Variants in BEND3 observed in about 807,000 individuals in gnomAD.
BEND3 encodes the protein BEN domain containing 3.
BEND3 carries 13 observed loss-of-function variants against 60.1 expected under a neutral mutation model. The ratio of observed to expected loss-of-function variants is 0.22; its 90% CI spans 0.14 to 0.34. BEND3 has a LOEUF of 0.34. Among genes scored for constraint, BEND3 ranks in the 10% least tolerant of loss-of-function variants. The probability of loss-of-function intolerance (pLI) is 1.00; values close to 1 mark genes in which losing one functional copy is unlikely to be tolerated. For synonymous variants in BEND3, 497 were observed against 491.5 expected (o/e 1.01, Z -0.15); for missense variants, 896 against 1,138.1 (o/e 0.79, Z 3.06).
rs1562294993 is a variant in BEND3 at position 107,066,463 on chromosome 6, G to T, written c.*2241C>A. The stretch of plus-strand genomic sequence containing the variant: ...GTATTAAGAAAATCACTGAAATACG[G>T]TTTCCAAAAATTGAACATGCTCTGG... On this transcript the variant is annotated 3_prime_UTR_variant, in exon 4 of 4. Coordinates refer to ENST00000369042, the MANE Select transcript of BEND3 (RefSeq NM_001367314.1). 6.6e-6 allele frequency: 1 copy of T among 152,604 alleles called. No individual in the cohort carries two copies. Among genetic ancestry groups the T allele is most frequent in the Non-Finnish European group, 1.5e-5 (1 of 68,038 alleles). 9.5% of individuals were successfully genotyped at this position (152,604 alleles called of 1,614,324 possible).
At chr6:107,096,178 A>T (rs1408684063) in intron 3 of BEND3, among the ~76,000 whole-genome samples, 1 of 152,192 alleles carries the variant, frequency 6.6e-6, no homozygotes, top group African/African-American at 2.4e-5. Context: ...TTTTTCTGTA[A>T]ACCTAAAACT....
At chr6:107,088,833 GTATC>G (rs1554234724) in intron 3 of BEND3, among the ~76,000 whole-genome samples, 1 of 152,090 alleles carries the variant, frequency 6.6e-6, no homozygotes, top group Non-Finnish European at 1.5e-5. Flanking sequence ...TAAAAATAAA[GTATC>G]TAAGAATTAA....
intron 3 of BEND3, among the ~76,000 whole-genome samples, chr6:107,096,244 T>C (rs1775582653): frequency 6.6e-6 from 1 of 152,204 alleles, no homozygotes. Context: ...GATACATAGA[T>C]GATGAACCTT....
At chr6:107,107,394 T>A (rs1481491996) in intron 1 of BEND3, among the ~76,000 whole-genome samples, 1 of 151,788 alleles carries the variant, frequency 6.6e-6, no homozygotes, top group East Asian at 1.9e-4. Context: ...GTCTGACACA[T>A]AGCACTCAAA....
chr6:107,069,075 G>A lies in BEND3; in HGVS notation c.2116C>T (p.Leu706=), dbSNP rs1006511077. ...GGGAAGTCAGGCGAGGGGACCACCA[G>A]CTCGTCCAAGGGGATCTTGCAAAAG... ...KDFCKIPLDE[L]VVPSPDFPVP... The change falls in exon 4 of 4, where the codon CTG becomes TTG. Residue 706 remains leucine, a synonymous_variant. Transcript: ENST00000369042. 6.2e-7 allele frequency: 1 copy of A among 1,613,222 alleles called. No homozygotes were observed. Among genetic ancestry groups the A allele is most frequent in the African/African-American group, 1.3e-5 (1 of 74,988 alleles).
Position 107,068,569 on chromosome 6 carries a change from T to C in BEND3, c.*135A>G, listed in dbSNP as rs1774880354. ...GGGTGGGTGTTTACGTGTGCAAATG[T>C]AGTAAGCCACTCCCCACGGACATAA... is the stretch of plus-strand genomic sequence containing the variant. On this transcript the variant is annotated 3_prime_UTR_variant, in exon 4 of 4. Transcript: ENST00000369042. The surrounding 1 kb of genome is among the most constrained non-coding windows in gnomAD (Gnocchi z 5.8). The C allele has an allele frequency of 2.1e-6, 2 of 967,252 alleles. No homozygotes were observed. Among genetic ancestry groups the C allele is most frequent in the Non-Finnish European group, 3.0e-6 (2 of 666,026 alleles). 59.9% of individuals were successfully genotyped at this position (967,252 alleles called of 1,614,324 possible).
chr6:107,104,055 C>G (rs1309134596), intron 1 of BEND3, among the ~76,000 whole-genome samples: 1 of 151,466 alleles, frequency 6.6e-6, no homozygotes, highest in Non-Finnish European at 1.5e-5. Flanking sequence ...ACTTTGGAGG[C>G]GGGCAGATCA....
intron 1 of BEND3, among the ~76,000 whole-genome samples, chr6:107,103,965 A>C (rs1775758344): frequency 7.2e-6 from 1 of 139,760 alleles, no homozygotes; most frequent in Admixed American, 6.9e-5. Flanking sequence ...AAAAAAAAGA[A>C]AGAAAGAAAG....
At position 107,066,694 on chromosome 6, in the gene BEND3, T is replaced by G. The variant is rs41292436; in HGVS notation, c.*2010A>C. 710 of 152,712 alleles carry G rather than the reference T, an allele frequency of 4.6e-3. No homozygotes were observed. The highest frequency in any genetic ancestry group is 6.9e-3 in the Non-Finnish European group (472 of 68,058). The allele number at this position is 152,712 out of a possible 1,614,324, so 9.5% of individuals were successfully genotyped here. A position where few individuals can be genotyped will look rare whatever the true frequency, so the allele number is the denominator to read the frequency against. The stretch of plus-strand genomic sequence containing the variant: ...AACAAATTCCATGGGACCTCCCGCC[T>G]CCAGCCCCCAACAACCAGCGGTGGG... On this transcript the variant is annotated 3_prime_UTR_variant, in exon 4 of 4. Transcript: ENST00000369042.
intron 3 of BEND3, among the ~76,000 whole-genome samples, chr6:107,073,302 GGACC>G (rs1287534833): frequency 2.2e-5 from 3 of 136,570 alleles, no homozygotes; most frequent in Non-Finnish European, 4.6e-5. Flanking sequence ...TGGCCCTTGT[GGACC>G]CCACTCCCCA....
Position 107,089,007 on chromosome 6 carries a change from G to A in BEND3, c.240+9544C>T, listed in dbSNP as rs564910844. Among the ~76,000 whole-genome samples the A allele has an allele frequency of 3.3e-5, 5 of 152,032 alleles. No homozygotes were observed. In the South Asian group the frequency reaches 6.2e-4, roughly 19 times the overall value. ...CTAAAAATACAAAACTTAGCTGGGCGTGATGGTGGGTGCCTGTAATCCCAG... is the reference window on the plus strand; with the variant it reads ...CTAAAAATACAAAACTTAGCTGGGCATGATGGTGGGTGCCTGTAATCCCAG... On this transcript the variant is annotated intron_variant, in intron 3 of 3. Coordinates refer to ENST00000369042, the MANE Select transcript of BEND3 (RefSeq NM_001367314.1).
chr6:107,091,054 G>A (rs892412140), intron 3 of BEND3, among the ~76,000 whole-genome samples: 1 of 151,744 alleles, frequency 6.6e-6, no homozygotes, highest in Non-Finnish European at 1.5e-5. Flanking sequence ...AGGTTATAGT[G>A]AGCCAAGATC....
At chr6:107,099,110 T>A (rs539675525) in intron 2 of BEND3, 139 bp downstream of exon 2, 35 of 694,478 alleles carry the variant, frequency 5.0e-5, no homozygotes, top group East Asian at 3.4e-4. Context: ...TGGAGGGGGA[T>A]GGGAACCGGG....
chr6:107,097,037 T>G (rs1289893046), intron 3 of BEND3, among the ~76,000 whole-genome samples: 1 of 152,064 alleles, frequency 6.6e-6, no homozygotes, highest in Middle Eastern at 3.4e-3. Flanking sequence ...ATAACTTAAA[T>G]TGGTGAAAGG....
rs577248028 is a variant in BEND3 at position 107,108,020 on chromosome 6, C to T, written c.-12+7070G>A. On this transcript the variant is annotated intron_variant, in intron 1 of 3. Coordinates refer to ENST00000369042, the MANE Select transcript of BEND3 (RefSeq NM_001367314.1). The stretch of plus-strand genomic sequence containing the variant: ...GACCCAGCCCCCTTGGCAGTGGCAT[C>T]CTGCCCAAGGGACTTGCAGGACATG... Among the ~76,000 whole-genome samples the T allele has an allele frequency of 2.0e-5, 3 of 152,290 alleles. No homozygotes were observed. The South Asian group carries it at 6.2e-4, about 32-fold the overall frequency.
chr6:107,079,915 G>C (rs1255940606), intron 3 of BEND3, among the ~76,000 whole-genome samples: 13 of 149,742 alleles, frequency 8.7e-5, no homozygotes, highest in Non-Finnish European at 1.9e-4. Context: ...TTTTTAAATA[G>C]AGACAGGGTC....
At chr6:107,080,798 C>G (rs1305128569) in intron 3 of BEND3, among the ~76,000 whole-genome samples, 2 of 151,788 alleles carry the variant, frequency 1.3e-5, no homozygotes, top group African/African-American at 4.8e-5. Flanking sequence ...GCAGAAAAAT[C>G]ACTTGCACCT....
chr6:107,101,074 C>T (rs143850695), intron 1 of BEND3, among the ~76,000 whole-genome samples: 7 of 152,176 alleles, frequency 4.6e-5, no homozygotes, highest in African/African-American at 9.6e-5. Flanking sequence ...TGGTGGCACA[C>T]GCCTATAGTC....
At chr6:107,093,268 G>T (rs1378141361) in intron 3 of BEND3, among the ~76,000 whole-genome samples, 1 of 152,122 alleles carries the variant, frequency 6.6e-6, no homozygotes, top group African/African-American at 2.4e-5. Context: ...AGACCATCCT[G>T]GCTAATACGG....
Sources: gnomAD v4.1 joint callset for allele counts (sites outside exome capture counted in the v4.1 genomes callset) on GRCh38, gnomAD v4.1.1 for gene constraint, Gnocchi (gnomAD v3.1) non-coding constraint, MANE v1.5 for transcripts, NCBI Gene and HGNC (gene_info 2026-07-23, HGNC 2026-07-21) for gene names.